CBR4: variants seen among roughly 807,000 people sequenced by gnomAD.
The protein encoded by CBR4 is 3-oxoacyl-[acyl-carrier-protein] reductase.
A neutral mutation model predicts 21.0 loss-of-function variants in CBR4; 22 were observed. The observed-to-expected ratio is 1.05, with a 90% CI of 0.75 to 1.50. The LOEUF is 1.50. Ranked by LOEUF, CBR4 falls within the 40% of genes most tolerant of loss-of-function variation. The probability of loss-of-function intolerance (pLI) is 0.00; values close to 1 mark genes in which losing one functional copy is unlikely to be tolerated. For synonymous variants in CBR4, 100 were observed against 104.4 expected (o/e 0.96, Z 0.26); for missense variants, 302 against 286.3 (o/e 1.05, Z -0.40).
chr4:169,009,763 C>G (rs934791178), intron 1 of CBR4, among the ~76,000 whole-genome samples, 185 bp downstream of exon 1: 2 of 152,254 alleles, frequency 1.3e-5, no homozygotes, highest in African/African-American at 4.8e-5. Context: ...TTCTGCGAGG[C>G]ATAGGGAGAT....
At chr4:168,964,859 G>A (rs1446002170) in intron 2 of CBR4, among the ~76,000 whole-genome samples, 1 of 152,072 alleles carries the variant, frequency 6.6e-6, no homozygotes, top group African/African-American at 2.4e-5. Flanking sequence ...CCATGAACCA[G>A]ACTCTAAGGC....
intron 2 of CBR4, among the ~76,000 whole-genome samples, chr4:168,965,758 G>A (rs1764004492): frequency 6.6e-6 from 1 of 152,126 alleles, no homozygotes; most frequent in Non-Finnish European, 1.5e-5. Flanking sequence ...ACTCAAGATG[G>A]ATTAAAGACT....
Position 168,963,330 on chromosome 4 carries a change from G to T in CBR4, n.169+38741C>A, listed in dbSNP as rs566753829. Among the ~76,000 whole-genome samples the T allele has an allele frequency of 9.2e-5, 14 of 152,266 alleles. No homozygotes were observed. In the East Asian group the frequency reaches 2.7e-3, roughly 29 times the overall value. ...AATTAGTCAGATGTTCTTCAAAAAG[G>T]TGGGTAACTGTTGAAAGCAGAGTTA... On this transcript the variant is annotated intron_variant and non_coding_transcript_variant, in intron 2 of 3. Transcript: ENST00000509108.
At chr4:168,907,926 C>T (rs1758150021) in intron 2 of CBR4, among the ~76,000 whole-genome samples, 1 of 152,120 alleles carries the variant, frequency 6.6e-6, no homozygotes, top group South Asian at 2.1e-4. Context: ...CAACCAACTC[C>T]AAAGATCAGT....
intron 2 of CBR4, among the ~76,000 whole-genome samples, chr4:168,932,071 A>C (rs981467346): frequency 2.0e-5 from 3 of 152,192 alleles, no homozygotes; most frequent in African/African-American, 7.2e-5. Flanking sequence ...AAAGAACACA[A>C]TAATGCTCCA....
chr4:168,970,491 A>G (rs1764172614), intron 2 of CBR4, among the ~76,000 whole-genome samples: 1 of 151,990 alleles, frequency 6.6e-6, no homozygotes, highest in Non-Finnish European at 1.5e-5. Flanking sequence ...TTTTTTTCAA[A>G]TTATTATTAT....
In CBR4 at chr4:168,938,730, G is replaced by A. The variant is rs534794446; in HGVS notation, n.170-43965C>T. On this transcript the variant is annotated intron_variant and non_coding_transcript_variant, in intron 2 of 3. Transcript: ENST00000509108. Reference sequence around the variant, plus strand: ...TCTAGAAGAAATGGATAAATTCCTGGACACATAAACCCTCCCAAGACTAAA... The same window carrying A: ...TCTAGAAGAAATGGATAAATTCCTGAACACATAAACCCTCCCAAGACTAAA... Among the ~76,000 whole-genome samples the A allele has an allele frequency of 2.0e-5, 3 of 152,216 alleles. No individual in the cohort carries two copies. In the South Asian group the frequency reaches 6.2e-4, roughly 32 times the overall value.
chr4:169,009,854 C>T, intron 1 of CBR4, 94 bp downstream of exon 1: 13 of 1,218,226 alleles, frequency 1.1e-5, no homozygotes, highest in Non-Finnish European at 1.5e-5. Context: ...ACCCTAGAGC[C>T]CTAAAGGCCA....
intron 2 of CBR4, among the ~76,000 whole-genome samples, chr4:168,930,771 T>C (rs1288831991): frequency 6.6e-6 from 1 of 152,144 alleles, no homozygotes; most frequent in Non-Finnish European, 1.5e-5. Flanking sequence ...TTTCCTTTGC[T>C]GGGAAAACGT....
chr4:168,947,739 A>G (rs1347206600), intron 2 of CBR4, among the ~76,000 whole-genome samples: 2 of 152,178 alleles, frequency 1.3e-5, no homozygotes, highest in African/African-American at 4.8e-5. Context: ...GCAGTATTCC[A>G]CCGTACATAT....
intron 4 of CBR4, among the ~76,000 whole-genome samples, chr4:168,998,948 CT>C (rs1307329071): frequency 6.6e-6 from 1 of 152,064 alleles, no homozygotes; most frequent in Non-Finnish European, 1.5e-5. Context: ...CTCTTTATGC[CT>C]TTTTGTACTT....
At chr4:168,897,862 C>G (rs1329723718) in intron 2 of CBR4, 2 of 151,256 alleles carry the variant, frequency 1.3e-5, no homozygotes, top group Non-Finnish European at 2.9e-5. Flanking sequence ...GACTGTCAGT[C>G]CTATTTTTTC....
At position 168,998,522 on chromosome 4, in the gene CBR4, T is replaced by A. The variant is rs189606204; in HGVS notation, c.535+3549A>T. Among the ~76,000 whole-genome samples the A allele has an allele frequency of 3.9e-5, 6 of 152,098 alleles. 1 individual carries two copies. Among genetic ancestry groups the A allele is most frequent in the Admixed American group, 3.9e-4 (6 of 15,276 alleles). ...AAAGTAGTTTAGTGTACTGGGGAGATTGGAAAGAAATAGGGAATGAATGTT... is the reference window on the plus strand; with the variant it reads ...AAAGTAGTTTAGTGTACTGGGGAGAATGGAAAGAAATAGGGAATGAATGTT... On this transcript the variant is annotated intron_variant, in intron 4 of 4. Coordinates refer to ENST00000306193, the MANE Select transcript of CBR4 (RefSeq NM_032783.5).
chr4:168,958,496 T>A (rs1172850756), intron 2 of CBR4, among the ~76,000 whole-genome samples: 1 of 152,262 alleles, frequency 6.6e-6, no homozygotes, highest in Non-Finnish European at 1.5e-5. Flanking sequence ...CTTACAATTT[T>A]GGCTATTACG....
chr4:168,922,032 A>G (rs1021587985), intron 2 of CBR4, among the ~76,000 whole-genome samples: 4 of 151,682 alleles, frequency 2.6e-5, no homozygotes, highest in Non-Finnish European at 5.9e-5. Context: ...AAATAGTAAC[A>G]GCAGCATGGA....
chr4:168,902,661 A>C (rs1756786974), intron 2 of CBR4, among the ~76,000 whole-genome samples: 1 of 152,172 alleles, frequency 6.6e-6, no homozygotes, highest in African/African-American at 2.4e-5. Flanking sequence ...AAACAAAACA[A>C]AACCTTAGAA....
intron 2 of CBR4, among the ~76,000 whole-genome samples, chr4:168,962,236 G>C (rs995156366): frequency 3.9e-5 from 6 of 151,940 alleles, no homozygotes; most frequent in African/African-American, 1.2e-4. Context: ...CTTCTTGAAA[G>C]CGAAATATTT....
At chr4:168,961,059 G>A (rs1763835818) in intron 2 of CBR4, among the ~76,000 whole-genome samples, 1 of 152,294 alleles carries the variant, frequency 6.6e-6, no homozygotes, top group South Asian at 2.1e-4. Flanking sequence ...ATTACAAGAC[G>A]GTGGTTATGG....
intron 2 of CBR4, among the ~76,000 whole-genome samples, chr4:168,966,288 C>T (rs1480520869): frequency 9.3e-5 from 13 of 140,204 alleles, no homozygotes; most frequent in Non-Finnish European, 2.0e-4. Context: ...CCGAGGAGGG[C>T]GGACCACGAG....
Sources: allele counts gnomAD v4.1 joint callset (sites outside exome capture counted in the v4.1 genomes callset), GRCh38; gene constraint gnomAD v4.1.1; transcripts MANE v1.5; gene names NCBI Gene and HGNC (gene_info 2026-07-23, HGNC 2026-07-21).